PDGFC: variants seen among roughly 807,000 people sequenced by gnomAD.
The protein encoded by PDGFC is platelet derived growth factor C, also known as platelet-derived growth factor C.
In PDGFC, 12 loss-of-function variants were observed where a neutral mutation model predicts 35.5. The ratio of observed to expected loss-of-function variants is 0.34; its 90% CI spans 0.22 to 0.55. The LOEUF is 0.55. PDGFC is among the 20% of genes least tolerant of loss of function. The pLI, the probability that PDGFC is intolerant of heterozygous loss-of-function variation, is 0.91. For missense variants in PDGFC, 322 were observed against 412.4 expected, an observed-to-expected ratio of 0.78 and a Z score of 1.90; for synonymous variants, 159 against 148.8, an observed-to-expected ratio of 1.07 and a Z score of -0.50.
At chr4:156,879,508 G>T (rs899218373) in intron 1 of PDGFC, among the ~76,000 whole-genome samples, 43 of 151,908 alleles carry the variant, frequency 2.8e-4, no homozygotes, top group Admixed American at 1.6e-3. Flanking sequence ...AACTCTCCAG[G>T]GATACAAAAA....
intron 2 of PDGFC, among the ~76,000 whole-genome samples, chr4:156,812,192 C>T (rs964593967): frequency 6.6e-6 from 1 of 151,934 alleles, no homozygotes; most frequent in African/African-American, 2.4e-5. Context: ...ACTAGATATA[C>T]CATTTTCATC....
At chr4:156,889,836 T>A (rs1730461649) in intron 1 of PDGFC, among the ~76,000 whole-genome samples, 2 of 152,182 alleles carry the variant, frequency 1.3e-5, no homozygotes, top group African/African-American at 2.4e-5. Context: ...TACGTCTAAA[T>A]GGTAACCCTG....
intron 2 of PDGFC, among the ~76,000 whole-genome samples, chr4:156,824,638 C>T (rs1214913684): frequency 1.3e-5 from 2 of 152,104 alleles, no homozygotes; most frequent in Non-Finnish European, 2.9e-5. Context: ...TACCTATCTT[C>T]AGTCAGCTAC....
chr4:156,850,312 A>G lies in PDGFC; in HGVS notation c.223T>C (p.Trp75Arg). The G allele has an allele frequency of 6.2e-7, 1 of 1,609,412 alleles. No homozygotes were observed. ...TTTTCCTCTACTGCTACTAATCTCC[A>G]TACCAAGACCGTATTTCTTGGATAA... ...HTYPRNTVLVWRLVAVEENVW... is the reference protein window; with the variant it reads ...HTYPRNTVLVRRLVAVEENVW... Residue 75 changes from tryptophan (W) to arginine (R), a missense_variant, in exon 2 of 6, where the codon TGG (tryptophan) becomes CGG (arginine). Around this residue, in one of 2 missense-constraint regions of PDGFC, gnomAD observed 120 missense variants for 116.6 expected, o/e 1.03. Transcript: ENST00000502773.
chr4:156,943,693 T>C (rs575748351), intron 1 of PDGFC, among the ~76,000 whole-genome samples: 2 of 152,078 alleles, frequency 1.3e-5, no homozygotes, highest in African/African-American at 4.8e-5. Flanking sequence ...GCAGAGAAAC[T>C]AAAATCTATT....
At chr4:156,901,799 G>C (rs912821412) in intron 1 of PDGFC, among the ~76,000 whole-genome samples, 1 of 152,000 alleles carries the variant, frequency 6.6e-6, no homozygotes, top group African/African-American at 2.4e-5. Context: ...TTTCAGTAGA[G>C]ACAGGGTTTT....
chr4:156,840,306 T>C (rs1474761273), intron 2 of PDGFC, among the ~76,000 whole-genome samples: 1 of 152,190 alleles, frequency 6.6e-6, no homozygotes, highest in Non-Finnish European at 1.5e-5. Flanking sequence ...GCTCCAGCCA[T>C]GGCTAAAAGG....
intron 1 of PDGFC, among the ~76,000 whole-genome samples, chr4:156,866,211 G>C (rs1057091005): frequency 2.0e-5 from 3 of 151,988 alleles, no homozygotes; most frequent in African/African-American, 7.3e-5. Flanking sequence ...GCAGTGTTTG[G>C]TTTTTTGTCC....
chr4:156,875,451 T>C (rs1168336699), intron 1 of PDGFC, among the ~76,000 whole-genome samples: 1 of 152,132 alleles, frequency 6.6e-6, no homozygotes, highest in African/African-American at 2.4e-5. Flanking sequence ...GTTGAGCCAT[T>C]AGAAGAAAGT....
At chr4:156,905,435 G>A (rs992545301) in intron 1 of PDGFC, among the ~76,000 whole-genome samples, 3 of 151,958 alleles carry the variant, frequency 2.0e-5, no homozygotes, top group Admixed American at 6.6e-5. Flanking sequence ...TCAAAGATGA[G>A]ATAGTTGCCC....
intron 1 of PDGFC, among the ~76,000 whole-genome samples, chr4:156,930,052 T>C (rs185751973): frequency 2.2e-3 from 340 of 152,372 alleles, no homozygotes; most frequent in African/African-American, 7.9e-3. Flanking sequence ...GATTGATTTG[T>C]CATTAGACTT....
intron 2 of PDGFC, among the ~76,000 whole-genome samples, chr4:156,813,050 G>A (rs765896818): frequency 3.9e-5 from 6 of 152,082 alleles, no homozygotes; most frequent in South Asian, 2.1e-4. Flanking sequence ...ATGTGTGTGC[G>A]GGATGTGGAA....
chr4:156,876,221 T>G (rs1730113652), intron 1 of PDGFC, among the ~76,000 whole-genome samples: 1 of 152,282 alleles, frequency 6.6e-6, no homozygotes, highest in East Asian at 1.9e-4. Flanking sequence ...ATATTTTAAA[T>G]TATAAAATGT....
chr4:156,878,379 T>C (rs1362138616), intron 1 of PDGFC, among the ~76,000 whole-genome samples: 3 of 152,172 alleles, frequency 2.0e-5, no homozygotes, highest in Non-Finnish European at 4.4e-5. Flanking sequence ...TATCACAGAC[T>C]AAATTTTACT....
chr4:156,779,282 C>A, intron 3 of PDGFC: 2 of 434,632 alleles, frequency 4.6e-6, no homozygotes, highest in South Asian at 1.6e-5. Flanking sequence ...ATTTTTAAGC[C>A]GGCAATGAAA....
chr4:156,808,289 C>T (rs2110936459), intron 3 of PDGFC, among the ~76,000 whole-genome samples: 1 of 152,102 alleles, frequency 6.6e-6, no homozygotes, highest in Admixed American at 6.6e-5. Context: ...CCTGACAAAC[C>T]TCAATGCAGA....
At chr4:156,798,165 T>G (rs1420040869) in intron 3 of PDGFC, among the ~76,000 whole-genome samples, 2 of 151,986 alleles carry the variant, frequency 1.3e-5, no homozygotes, top group Non-Finnish European at 2.9e-5. Context: ...GCACTCCAGC[T>G]TGGGCGACAG....
rs1437168721 is a variant in PDGFC at position 156,794,144 on chromosome 4, C to A, written c.495+16693G>T. ...AAAATAAACCTGAGATAACTTTAAA[C>A]CGTGTTTCTTCAGCTTGATCTTTTC... On this transcript the variant is annotated intron_variant, in intron 3 of 5. Coordinates refer to ENST00000502773, the MANE Select transcript of PDGFC (RefSeq NM_016205.3). 3.3e-5 allele frequency among the ~76,000 whole-genome samples: 5 copies of A among 152,230 alleles called. No individual in the cohort carries two copies. In the East Asian group the frequency reaches 9.7e-4, roughly 30 times the overall value.
intron 2 of PDGFC, among the ~76,000 whole-genome samples, chr4:156,842,468 AC>A (rs1366889494): frequency 1.3e-5 from 2 of 152,130 alleles, no homozygotes; most frequent in East Asian, 3.9e-4. Context: ...CTAAAACATA[AC>A]AAAATCCCTC....
Sources: allele counts gnomAD v4.1 joint callset (sites outside exome capture counted in the v4.1 genomes callset), GRCh38; gene constraint gnomAD v4.1.1; regional missense constraint gnomAD v4.1.1; transcripts MANE v1.5; gene names NCBI Gene and HGNC (gene_info 2026-07-23, HGNC 2026-07-21).